RBM25: variants seen among roughly 807,000 people sequenced by gnomAD.
RBM25 encodes the protein RNA binding motif protein 25.
Under a neutral mutation model 120.7 loss-of-function variants are expected in RBM25, and 19 were observed. The observed-to-expected ratio is 0.16, with a 90% CI of 0.11 to 0.23. RBM25 has a LOEUF of 0.23. Among genes scored for constraint, RBM25 ranks in the 10% least tolerant of loss-of-function variants. RBM25 has a pLI of 1.00. For missense variants in RBM25, 605 were observed against 1,041.5 expected (o/e 0.58, Z 5.77); for synonymous variants, 390 against 326.7 (o/e 1.19, Z -2.09).
At chr14:73,087,843 G>T (rs540371340) in intron 5 of RBM25, among the ~76,000 whole-genome samples, 158 bp from the exon 6 acceptor site, 24 of 152,234 alleles carry the variant, frequency 1.6e-4, no homozygotes, top group African/African-American at 5.8e-4. Flanking sequence ...TACTAAAAGT[G>T]AAATGGTTAT....
intron 6 of RBM25, among the ~76,000 whole-genome samples, chr14:73,094,289 A>T (rs1021439715): frequency 4.3e-4 from 64 of 150,492 alleles, no homozygotes; most frequent in African/African-American, 1.4e-3. Context: ...TTTTTTTTTT[A>T]AATATTAGCA....
intron 16 of RBM25, 88 bp from the exon 17 acceptor site, chr14:73,112,064 T>A: frequency 8.0e-7 from 1 of 1,255,340 alleles, no homozygotes; most frequent in Non-Finnish European, 1.1e-6. Context: ...TAACATTATA[T>A]TTTAGTCTCA....
intron 13 of RBM25, 90 bp from the exon 14 acceptor site, chr14:73,109,251 TA>T (rs1427247496): frequency 5.9e-6 from 8 of 1,351,098 alleles, no homozygotes; most frequent in African/African-American, 1.5e-5. Flanking sequence ...ATGCAGGTTG[TA>T]ATGTTGAAAA....
At chr14:73,058,862 G>A (rs1212696933) in intron 1 of RBM25, 157 bp downstream of exon 1, 1 of 152,142 alleles carries the variant, frequency 6.6e-6, no homozygotes, top group Non-Finnish European at 1.5e-5. Context: ...CACGAGGCTT[G>A]GTTTCTTCTC....
At position 73,083,469 on chromosome 14, in the gene RBM25, CTGTT is replaced by C. The variant is rs755202345; in HGVS notation, c.325-19_325-16del. On this transcript the variant is annotated intron_variant, in intron 4 of 18. Coordinates refer to ENST00000261973, the MANE Select transcript of RBM25 (RefSeq NM_021239.3). ...AATTATTTTGTTAAATGGTAGCAAT[CTGTT>C]TGTTTTGTTTTCTTTTTAAGAAATG... 6.3e-5 allele frequency: 97 copies of C among 1,531,746 alleles called. 1 individual carries two copies. The Middle Eastern group carries it at 2.0e-3, about 32-fold the overall frequency. The allele number at this position is 1,531,746 out of a possible 1,614,324, so 94.9% of individuals were successfully genotyped here.
chr14:73,106,317 C>A (rs1566598927), intron 12 of RBM25, 32 bp downstream of exon 12: 1 of 1,530,650 alleles, frequency 6.5e-7, no homozygotes, highest in South Asian at 1.3e-5. Context: ...AGTGATTTTT[C>A]AGGTAAAAAG....
chr14:73,106,135 A>G, intron 11 of RBM25, 54 bp downstream of exon 11: 8 of 1,584,468 alleles, frequency 5.0e-6, no homozygotes, highest in Non-Finnish European at 6.8e-6. Flanking sequence ...TAATAGGTTA[A>G]TCAATATTTA....
At chr14:73,105,518 T>C (rs1213542758) in intron 10 of RBM25, among the ~76,000 whole-genome samples, 1 of 152,190 alleles carries the variant, frequency 6.6e-6, no homozygotes, top group Non-Finnish European at 1.5e-5. Context: ...TTTTCCTTTT[T>C]TCTGTTTTAC....
intron 5 of RBM25, among the ~76,000 whole-genome samples, chr14:73,087,675 A>G (rs886248644): frequency 3.3e-5 from 5 of 151,666 alleles, no homozygotes; most frequent in Non-Finnish European, 5.9e-5. Context: ...GATTACAGGC[A>G]TGAGCCACCG....
chr14:73,060,360 C>T (rs1265296541), intron 1 of RBM25, among the ~76,000 whole-genome samples: 18 of 151,430 alleles, frequency 1.2e-4, no homozygotes. Context: ...TAAAGTAAAA[C>T]TAGTCCATGT....
intron 6 of RBM25, among the ~76,000 whole-genome samples, chr14:73,092,155 C>G (rs975968080): frequency 2.0e-5 from 3 of 149,472 alleles, no homozygotes; most frequent in African/African-American, 7.4e-5. Context: ...GCAAATATTA[C>G]TATATAGTGG....
At chr14:73,080,213 CTTTTTTTTT>C (rs766461418) in intron 4 of RBM25, among the ~76,000 whole-genome samples, 23 of 67,178 alleles carry the variant, frequency 3.4e-4, no homozygotes, top group South Asian at 1.6e-3. Context: ...TCTTACACAT[CTTTTTTTTT>C]TTTTTTTTTT....
In RBM25 at chr14:73,103,451, A is replaced by G; in HGVS notation, c.1127A>G (p.Asp376Gly). Residue 376 changes from aspartate to glycine, a missense_variant, in exon 10 of 19, where the codon GAT becomes GGT. Asp to Gly is a moderately conservative substitution (Grantham distance 94). Transcript: ENST00000261973. ...DRDRDRERSS[D>G]RNKDRSRSRE... ...GACCGGGATAGAGAAAGGAGCTCAG[A>G]TCGTAATAAGGATCGCAGTCGATCA... 1 of 1,606,718 alleles carries G rather than the reference A, an allele frequency of 6.2e-7. No individual in the cohort carries two copies. The highest frequency in any genetic ancestry group is 1.1e-5 in the South Asian group (1 of 89,868).
chr14:73,107,794 T>C, intron 12 of RBM25, 32 bp from the exon 13 acceptor site: 1 of 1,464,536 alleles, frequency 6.8e-7, no homozygotes, highest in Non-Finnish European at 9.5e-7. Context: ...ACTTGTATGT[T>C]AATTTTATAC....
chr14:73,080,128 A>G (rs929044469), intron 4 of RBM25, among the ~76,000 whole-genome samples: 2 of 147,002 alleles, frequency 1.4e-5, no homozygotes, highest in African/African-American at 5.0e-5. Flanking sequence ...GGGCATGCTT[A>G]TCTGCAGCTT....
chr14:73,084,624 C>T (rs1286798020), intron 5 of RBM25, among the ~76,000 whole-genome samples: 8 of 152,082 alleles, frequency 5.3e-5, no homozygotes, highest in Non-Finnish European at 1.5e-5. Flanking sequence ...GCGATCTTGG[C>T]TCACTGCAAC....
intron 9 of RBM25, 165 bp downstream of exon 9, chr14:73,099,915 T>TA (rs1322918108): frequency 1.8e-6 from 2 of 1,104,136 alleles, no homozygotes; most frequent in Non-Finnish European, 2.4e-6. Flanking sequence ...AATACCATAT[T>TA]AAAGTGGTCC....
At chr14:73,111,290 C>A in intron 15 of RBM25, 135 bp downstream of exon 15, 2 of 887,062 alleles carry the variant, frequency 2.3e-6, no homozygotes, top group Non-Finnish European at 1.7e-6. Context: ...GCCTTTCTAG[C>A]TCACGATTGT....
intron 4 of RBM25, 49 bp downstream of exon 4, chr14:73,077,585 A>C (rs774200803): frequency 1.4e-6 from 2 of 1,450,170 alleles, no homozygotes; most frequent in African/African-American, 2.9e-5. Flanking sequence ...ATCATTCTAC[A>C]TTTCAAACTT....
Sources: allele counts gnomAD v4.1 joint callset (sites outside exome capture counted in the v4.1 genomes callset), GRCh38; gene constraint gnomAD v4.1.1; transcripts MANE v1.5; gene names NCBI Gene and HGNC (gene_info 2026-07-23, HGNC 2026-07-21).